NYAP2: variants seen among roughly 807,000 people sequenced by gnomAD.
NYAP2 encodes neuronal tyrosine-phosphorylated phosphoinositide-3-kinase adapter 2.
NYAP2 carries 23 observed loss-of-function variants against 50.4 expected under a neutral mutation model. The ratio of observed to expected loss-of-function variants is 0.46; its 90% CI spans 0.33 to 0.65. The LOEUF is 0.65. Among genes scored for constraint, NYAP2 ranks in the 30% least tolerant of loss-of-function variants. NYAP2 has a pLI of 0.02. For missense variants in NYAP2, 885 were observed against 861.0 expected (o/e 1.03, Z -0.35); for synonymous variants, 394 against 365.2 (o/e 1.08, Z -0.90).
chr2:225,644,162 T>C (rs1443537529), intron 6 of NYAP2, among the ~76,000 whole-genome samples: 1 of 151,924 alleles, frequency 6.6e-6, no homozygotes, highest in Non-Finnish European at 1.5e-5. Flanking sequence ...GGTATCTCAT[T>C]GTTTTGATTT....
At chr2:225,455,261 G>C (rs1194950748) in intron 3 of NYAP2, among the ~76,000 whole-genome samples, 1 of 152,180 alleles carries the variant, frequency 6.6e-6, no homozygotes, top group Admixed American at 6.5e-5. Context: ...ACTAAGTTCT[G>C]ATAGTTGGTT....
the NYAP2 span, among the ~76,000 whole-genome samples, chr2:225,666,650 T>A: frequency 2.6e-5 from 4 of 152,268 alleles, no homozygotes; most frequent in South Asian, 8.3e-4. Context: ...CAGGTTAAGA[T>A]AAAAGATTGT....
intron 4 of NYAP2, among the ~76,000 whole-genome samples, chr2:225,539,692 T>A (rs1377753582): frequency 6.6e-6 from 1 of 152,182 alleles, no homozygotes; most frequent in Non-Finnish European, 1.5e-5. Context: ...GTTGGGGTTG[T>A]TTGATTTTTT....
At chr2:225,485,112 G>A (rs1047368124) in intron 3 of NYAP2, among the ~76,000 whole-genome samples, 3 of 152,134 alleles carry the variant, frequency 2.0e-5, no homozygotes, top group Non-Finnish European at 4.4e-5. Context: ...GTTGAGGGTG[G>A]GGCCAGGTGG....
Position 225,553,264 on chromosome 2 carries a change from C to T in NYAP2, c.524-28677C>T, listed in dbSNP as rs1691712733. ...CACTATAGTGAAAACAAGTAGTAAACCAGGAAGAAACAAGTTCCCCCTAGT... is the reference window on the plus strand; with the variant it reads ...CACTATAGTGAAAACAAGTAGTAAATCAGGAAGAAACAAGTTCCCCCTAGT... On this transcript the variant is annotated intron_variant, in intron 4 of 6. Transcript: ENST00000636099. Among the ~76,000 whole-genome samples the T allele has an allele frequency of 2.0e-5, 3 of 152,342 alleles. No homozygotes were observed. In the South Asian group the frequency reaches 6.2e-4, roughly 32 times the overall value.
intron 3 of NYAP2, among the ~76,000 whole-genome samples, chr2:225,446,212 G>GTCTCTCTC (rs1248447966): frequency 6.3e-5 from 3 of 47,290 alleles, no homozygotes; most frequent in Non-Finnish European, 1.0e-4. Context: ...CTGTCTGTCT[G>GTCTCTCTC]TCTGTCTCTC....
intron 3 of NYAP2, among the ~76,000 whole-genome samples, chr2:225,465,291 T>A (rs984583654): frequency 2.0e-5 from 3 of 152,112 alleles, no homozygotes; most frequent in Non-Finnish European, 4.4e-5. Context: ...CTGACCCTCC[T>A]GCAGATATGC....
In NYAP2 at chr2:225,538,492, G is replaced by C. The variant is rs35828729; in HGVS notation, c.523+24820G>C. On this transcript the variant is annotated intron_variant, in intron 4 of 6. Coordinates refer to ENST00000636099, the Ensembl canonical transcript of NYAP2. ...GAAGCCATGGACTGAGCTCTATGTT[G>C]GCCCTTTTTCAGCCAGGCTTGAGTG... 7.2e-3 allele frequency among the ~76,000 whole-genome samples: 1,094 copies of C among 152,304 alleles called. 15 individuals are homozygous for C. Among genetic ancestry groups the C allele is most frequent in the Non-Finnish European group, 0.01 (700 of 68,022 alleles).
chr2:225,614,987 T>C (rs992941129), intron 5 of NYAP2, among the ~76,000 whole-genome samples: 6 of 152,190 alleles, frequency 3.9e-5, no homozygotes, highest in African/African-American at 1.4e-4. Context: ...AGTTTCCATC[T>C]AGTGGGTGTG....
intron 3 of NYAP2, among the ~76,000 whole-genome samples, chr2:225,465,173 C>T (rs192647232): frequency 4.7e-4 from 72 of 152,204 alleles, no homozygotes; most frequent in African/African-American, 1.6e-3. Context: ...GAGGACATAT[C>T]GACTTACCCT....
the NYAP2 span, among the ~76,000 whole-genome samples, chr2:225,683,788 T>G: frequency 6.6e-6 from 1 of 152,148 alleles, no homozygotes; most frequent in Non-Finnish European, 1.5e-5. Flanking sequence ...GGGGGCTATC[T>G]TTTGAACTCT....
At position 225,620,169 on chromosome 2, in the gene NYAP2, T is replaced by C. The variant is rs576350967; in HGVS notation, c.1619-6748T>C. Among the ~76,000 whole-genome samples the C allele has an allele frequency of 3.9e-5, 6 of 152,354 alleles. No individual in the cohort carries two copies. The East Asian group carries it at 1.2e-3, about 29-fold the overall frequency. On this transcript the variant is annotated intron_variant, in intron 5 of 6. Transcript: ENST00000636099. ...CAGACTTTAAAAAGACATTGAGATA[T>C]ATGGATATGGATAAATATGTCCTTT...
At chr2:225,615,972 G>C (rs750847347) in intron 5 of NYAP2, among the ~76,000 whole-genome samples, 3 of 152,064 alleles carry the variant, frequency 2.0e-5, no homozygotes, top group Admixed American at 2.0e-4. Flanking sequence ...AAAGAAAAAG[G>C]CTTTTTCTTT....
At chr2:225,644,973 A>G (rs139497381) in intron 6 of NYAP2, among the ~76,000 whole-genome samples, 16 of 152,304 alleles carry the variant, frequency 1.1e-4, no homozygotes, top group African/African-American at 3.8e-4. Context: ...AGGAACAAAA[A>G]GAATGTCCAG....
chr2:225,696,770 C>A, the NYAP2 span, among the ~76,000 whole-genome samples: 1 of 151,904 alleles, frequency 6.6e-6, no homozygotes, highest in African/African-American at 2.4e-5. Flanking sequence ...GGGTGTTGGG[C>A]ATAAACTCTT....
At chr2:225,425,117 T>C (rs1409116069) in intron 3 of NYAP2, among the ~76,000 whole-genome samples, 1 of 151,986 alleles carries the variant, frequency 6.6e-6, no homozygotes, top group Non-Finnish European at 1.5e-5. Flanking sequence ...ACATTTAAGG[T>C]CCCTAGCACA....
At chr2:225,573,250 C>CT (rs59186607) in intron 4 of NYAP2, among the ~76,000 whole-genome samples, 3,041 of 126,706 alleles carry the variant, frequency 0.024, 58 homozygotes, top group Non-Finnish European at 0.037. Flanking sequence ...ATTATTATTT[C>CT]TTTTTTTTTT....
At chr2:225,411,153 C>A (rs1431172573) in intron 3 of NYAP2, among the ~76,000 whole-genome samples, 1 of 152,018 alleles carries the variant, frequency 6.6e-6, no homozygotes, top group East Asian at 1.9e-4. Flanking sequence ...TGTGTCCTAA[C>A]TGTTGAGAGA....
At chr2:225,622,736 C>T (rs188546918) in intron 5 of NYAP2, among the ~76,000 whole-genome samples, 5 of 151,722 alleles carry the variant, frequency 3.3e-5, no homozygotes, top group Admixed American at 1.3e-4. Context: ...CCTGCCACTA[C>T]GCCCGACTAA....
Sources: gnomAD v4.1 joint callset for allele counts (sites outside exome capture counted in the v4.1 genomes callset) on GRCh38, gnomAD v4.1.1 for gene constraint, MANE v1.5 for transcripts, NCBI Gene and HGNC (gene_info 2026-07-23, HGNC 2026-07-21) for gene names.